The following WDPCP variants were observed in gnomAD, a reference collection of about 807,000 sequenced individuals.
The protein encoded by WDPCP is WD repeat containing planar cell polarity effector, also known as WD repeat-containing and planar cell polarity effector protein fritz homolog.
Under a neutral mutation model 93.1 loss-of-function variants are expected in WDPCP, and 71 were observed. That is an observed-to-expected ratio of 0.76 (90% CI 0.63 to 0.93). The LOEUF (loss-of-function observed/expected upper bound fraction) is 0.93, where lower values mean the gene tolerates loss of function less well. Among genes scored for constraint, WDPCP ranks in the 40% least tolerant of loss-of-function variants. The probability of loss-of-function intolerance (pLI) is 0.00; values close to 1 mark genes in which losing one functional copy is unlikely to be tolerated. For synonymous variants in WDPCP, 315 were observed against 315.0 expected, an observed-to-expected ratio of 1.00 and a Z score of 0.00; for missense variants, 844 against 887.4, an observed-to-expected ratio of 0.95 and a Z score of 0.62.
intron 12 of WDPCP, among the ~76,000 whole-genome samples, chr2:63,331,457 T>C (rs1177000777): frequency 6.6e-6 from 1 of 152,216 alleles, no homozygotes; most frequent in East Asian, 1.9e-4. Flanking sequence ...TTGTGAGTTC[T>C]TTCAGTACGT....
chr2:63,642,184 C>A (rs752646469), intron 3 of WDPCP, among the ~76,000 whole-genome samples: 1 of 151,970 alleles, frequency 6.6e-6, no homozygotes, highest in South Asian at 2.1e-4. Flanking sequence ...TTTACTATAG[C>A]GCTGTAGTAT....
upstream of WDPCP, among the ~76,000 whole-genome samples, chr2:63,832,619 T>C (rs1262026021): frequency 2.0e-5 from 3 of 152,334 alleles, no homozygotes; most frequent in East Asian, 5.8e-4. Flanking sequence ...ATCCAAAACA[T>C]GTTTCCAATA....
chr2:63,294,172 C>T (rs1274364684), intron 13 of WDPCP, among the ~76,000 whole-genome samples: 2 of 152,196 alleles, frequency 1.3e-5, no homozygotes, highest in Non-Finnish European at 1.5e-5. Flanking sequence ...GATTTCCCAT[C>T]AAAGGCTTTG....
intron 2 of WDPCP, among the ~76,000 whole-genome samples, chr2:63,810,178 T>C (rs1237225480): frequency 1.3e-5 from 2 of 152,220 alleles, no homozygotes; most frequent in South Asian, 2.1e-4. Flanking sequence ...AGAGGTTCTA[T>C]ATTGCTTTGT....
At chr2:63,419,881 G>A (rs1695715399) in intron 9 of WDPCP, among the ~76,000 whole-genome samples, 1 of 152,076 alleles carries the variant, frequency 6.6e-6, no homozygotes, top group Non-Finnish European at 1.5e-5. Flanking sequence ...TCATTTTCCT[G>A]TAGGTAAACA....
intron 13 of WDPCP, among the ~76,000 whole-genome samples, chr2:63,266,045 A>C (rs1163784998): frequency 6.6e-6 from 1 of 152,196 alleles, no homozygotes; most frequent in African/African-American, 2.4e-5. Flanking sequence ...CCCACAGCTA[A>C]TGTCATACTC....
intron 6 of WDPCP, among the ~76,000 whole-genome samples, chr2:63,463,297 T>C (rs1396376675): frequency 6.6e-6 from 1 of 152,124 alleles, no homozygotes; most frequent in Non-Finnish European, 1.5e-5. Context: ...GGCTGTGTAA[T>C]AATCAGGAAA....
chr2:63,568,582 C>G (rs1332909621), intron 1 of WDPCP, among the ~76,000 whole-genome samples: 1 of 152,186 alleles, frequency 6.6e-6, no homozygotes, highest in Non-Finnish European at 1.5e-5. Context: ...GTACACCAAA[C>G]AAAGGAGACA....
intron 1 of WDPCP, among the ~76,000 whole-genome samples, chr2:63,524,713 A>G (rs957782775): frequency 6.6e-6 from 1 of 152,252 alleles, no homozygotes; most frequent in Non-Finnish European, 1.5e-5. Context: ...CATGATGAAG[A>G]TGGCAAAAGC....
At chr2:63,520,069 T>C (rs890773192) in intron 1 of WDPCP, among the ~76,000 whole-genome samples, 2 of 152,088 alleles carry the variant, frequency 1.3e-5, no homozygotes, top group Non-Finnish European at 2.9e-5. Flanking sequence ...AAAAACACAC[T>C]ACAGGAATTT....
chr2:63,753,346 T>C (rs893059618), intron 2 of WDPCP, among the ~76,000 whole-genome samples: 3 of 152,130 alleles, frequency 2.0e-5, no homozygotes, highest in Non-Finnish European at 2.9e-5. Flanking sequence ...GAAGGATCAC[T>C]TGAACCCAGG....
chr2:63,567,015 G>T (rs1350987488), intron 1 of WDPCP, among the ~76,000 whole-genome samples: 1 of 152,182 alleles, frequency 6.6e-6, no homozygotes, highest in East Asian at 1.9e-4. Context: ...GAGGTCGGGG[G>T]TGGTGTGGTT....
At chr2:63,784,959 A>G (rs907640244) in intron 2 of WDPCP, among the ~76,000 whole-genome samples, 5 of 152,204 alleles carry the variant, frequency 3.3e-5, no homozygotes, top group Admixed American at 6.6e-5. Context: ...TACCTCATAA[A>G]GTTGTAAAGA....
At chr2:63,740,915 A>T (rs1558899442) in intron 2 of WDPCP, among the ~76,000 whole-genome samples, 1 of 152,132 alleles carries the variant, frequency 6.6e-6, no homozygotes, top group African/African-American at 2.4e-5. Context: ...GGAATATATA[A>T]TTGCTTTACT....
intron 1 of WDPCP, among the ~76,000 whole-genome samples, chr2:63,581,573 A>G (rs1232356499): frequency 6.6e-6 from 1 of 152,336 alleles, no homozygotes; most frequent in Middle Eastern, 3.4e-3. Flanking sequence ...GTAGGAAATT[A>G]TTACCCCTAG....
chr2:63,379,142 G>T (rs74987254), intron 11 of WDPCP, among the ~76,000 whole-genome samples: 5,038 of 152,088 alleles, frequency 0.033, 121 homozygotes, highest in Non-Finnish European at 0.047. Context: ...GCTAAGACTG[G>T]GGGAAAGGGC....
At chr2:63,173,585 A>T (rs1673567316) in intron 15 of WDPCP, among the ~76,000 whole-genome samples, 1 of 152,222 alleles carries the variant, frequency 6.6e-6, no homozygotes, top group Admixed American at 6.5e-5. Flanking sequence ...TACAGGCAAG[A>T]AAATAAGAGA....
intron 2 of WDPCP, among the ~76,000 whole-genome samples, chr2:63,750,638 T>A (rs1558901619): frequency 6.6e-6 from 1 of 152,104 alleles, no homozygotes; most frequent in Non-Finnish European, 1.5e-5. Flanking sequence ...TAGCTCTAGG[T>A]TTTTGTGAAA....
At chr2:63,387,691 C>G (rs1358093361) in intron 10 of WDPCP, among the ~76,000 whole-genome samples, 3 of 151,002 alleles carry the variant, frequency 2.0e-5, no homozygotes, top group African/African-American at 7.3e-5. Flanking sequence ...CAAACTATCT[C>G]TGTTTGTAGA....
Sources: allele counts gnomAD v4.1 joint callset (sites outside exome capture counted in the v4.1 genomes callset), GRCh38; gene constraint gnomAD v4.1.1; transcripts MANE v1.5; gene names NCBI Gene and HGNC (gene_info 2026-07-23, HGNC 2026-07-21).